The following NDUFA7 variants were observed in gnomAD, a reference collection of about 807,000 sequenced individuals.
NDUFA7 encodes NADH:ubiquinone oxidoreductase subunit A7, also known as NADH dehydrogenase [ubiquinone] 1 alpha subcomplex subunit 7.
In NDUFA7, 18 loss-of-function variants were observed where a neutral mutation model predicts 14.2. That is an observed-to-expected ratio of 1.27 (90% CI 0.88 to 1.88). The LOEUF (loss-of-function observed/expected upper bound fraction) is 1.88, where lower values mean the gene tolerates loss of function less well. Ranked by LOEUF, NDUFA7 falls within the 40% of genes most tolerant of loss-of-function variation. NDUFA7 has a pLI of 0.00. For missense variants in NDUFA7, 172 were observed against 147.3 expected (o/e 1.17, Z -0.87); for synonymous variants, 75 against 62.1 (o/e 1.21, Z -0.98).
chr19:8,320,513 G>A (rs560141773), intron 2 of NDUFA7, among the ~76,000 whole-genome samples: 218 of 152,240 alleles, frequency 1.4e-3, no homozygotes, highest in African/African-American at 5.1e-3. Flanking sequence ...TCAAGTCCCC[G>A]CTGCCACTTT....
At chr19:8,315,668 C>T (rs1208797077) in intron 3 of NDUFA7, among the ~76,000 whole-genome samples, 3 of 152,022 alleles carry the variant, frequency 2.0e-5, no homozygotes, top group African/African-American at 4.8e-5. Flanking sequence ...ACTCAGAGGC[C>T]GGGTGGATCC....
At chr19:8,315,568 T>C (rs977258543) in intron 3 of NDUFA7, among the ~76,000 whole-genome samples, 4 of 152,198 alleles carry the variant, frequency 2.6e-5, no homozygotes, top group Admixed American at 6.5e-5. Context: ...CGTGTTTACC[T>C]GCTGACCTTC....
At position 8,321,343 on chromosome 19, in the gene NDUFA7, G is replaced by C. The variant is rs553849517; in HGVS notation, c.16C>G (p.Arg6Gly). MASATRLIQRLRNWAS... is the reference protein window; with the variant it reads MASATGLIQRLRNWAS... ...CAGTTCCGCAGCCGCTGGATGAGAC[G>C]GGTGGCGGACGCCATCTTCCGTCCG... The change falls in exon 1 of 4, where the codon CGT becomes GGT. Residue 6 changes from arginine (R) to glycine (G), a missense_variant. Arg to Gly is a moderately radical substitution (Grantham distance 125, BLOSUM62 -2). Transcript: ENST00000301457. 1.9e-6 allele frequency: 3 copies of C among 1,578,502 alleles called. No individual in the cohort carries two copies. Among genetic ancestry groups the C allele is most frequent in the African/African-American group, 1.3e-5 (1 of 74,532 alleles).
At chr19:8,312,132 T>A (rs1022078135) in intron 3 of NDUFA7, among the ~76,000 whole-genome samples, 2 of 152,070 alleles carry the variant, frequency 1.3e-5, no homozygotes. Context: ...GCAAAACGCA[T>A]CTCTGGCCCA....
chr19:8,315,404 T>C (rs1351750663), intron 3 of NDUFA7, among the ~76,000 whole-genome samples: 1 of 152,064 alleles, frequency 6.6e-6, no homozygotes, highest in Non-Finnish European at 1.5e-5. Flanking sequence ...GTATATTCCA[T>C]CTACTGAGAT....
chr19:8,319,709 T>G (rs1170220226), intron 2 of NDUFA7: 4 of 152,222 alleles, frequency 2.6e-5, no homozygotes, highest in African/African-American at 4.8e-5. Context: ...GCCTTACCTC[T>G]GCCTACCCTT....
chr19:8,321,009 G>T (rs1350924955), intron 1 of NDUFA7, 103 bp from the exon 2 acceptor site: 7 of 1,324,540 alleles, frequency 5.3e-6, no homozygotes, highest in Non-Finnish European at 7.5e-6. Context: ...CATTTTAAGG[G>T]AAGGCAGGGG....
chr19:8,309,752 C>T (rs1970152689), downstream of NDUFA7, among the ~76,000 whole-genome samples: 1 of 152,150 alleles, frequency 6.6e-6, no homozygotes. Flanking sequence ...TCAGCACCCT[C>T]TTGGTCCACA....
At position 8,316,605 on chromosome 19, in the gene NDUFA7, T is replaced by G. The variant is rs12986323; in HGVS notation, c.142A>C (p.Lys48Gln). The change falls in exon 3 of 4, where the codon AAG (lysine) becomes CAG (glutamine). Residue 48 changes from lysine (K) to glutamine (Q), a missense_variant. Transcript: ENST00000301457. ...PPKLPVGPSH[K>Q]LSNNYYCTRD... is the part of the protein sequence containing the mutation. Reference sequence around the variant, plus strand: ...GTGCAATAGTAATTGTTGGAGAGCTTGTGGCTAGGACCCACAGGGAGCTTG... The same window carrying G: ...GTGCAATAGTAATTGTTGGAGAGCTGGTGGCTAGGACCCACAGGGAGCTTG... 20,838 of 1,614,126 alleles carry G rather than the reference T, an allele frequency of 0.013. 203 individuals are homozygous for G. Among genetic ancestry groups the G allele is most frequent in the South Asian group, 0.02 (1,810 of 91,086 alleles).
chr19:8,312,103 C>T (rs1970185282), intron 3 of NDUFA7, among the ~76,000 whole-genome samples: 1 of 152,188 alleles, frequency 6.6e-6, no homozygotes. Flanking sequence ...GGCTGAGAAT[C>T]CATGCGCAAA....
In NDUFA7 at chr19:8,321,310, C is replaced by G; in HGVS notation, c.49G>C (p.Gly17Arg). The G allele has an allele frequency of 6.4e-7, 1 of 1,573,722 alleles. No individual in the cohort carries two copies. The highest frequency in any genetic ancestry group is 8.6e-7 in the Non-Finnish European group (1 of 1,162,996). ...LIQRLRNWAS[G>R]HDLQGKLQLR... ...GCAGCCCTGTCCGCCCCGCGCACCC[C>G]GGACGCCCAGTTCCGCAGCCGCTGG... The change falls in exon 1 of 4, where the codon GGG becomes CGG. Residue 17 changes from glycine to arginine, a missense_variant and splice_region_variant. By Grantham distance (125) the Gly-to-Arg change is moderately radical. Coordinates refer to ENST00000301457, the MANE Select transcript of NDUFA7 (RefSeq NM_005001.5).
In NDUFA7 at chr19:8,316,636, A is replaced by C; in HGVS notation, c.111T>G (p.Pro37=). 1 of 1,614,032 alleles carries C rather than the reference A, an allele frequency of 6.2e-7. No homozygotes were observed. The highest frequency in any genetic ancestry group is 8.5e-7 in the Non-Finnish European group (1 of 1,179,974). ...TAGGACCCACAGGGAGCTTGGGAGGAGGCTGAGTTCTGAGGGGAAAAAAGA... is the reference window on the plus strand; with the variant it reads ...TAGGACCCACAGGGAGCTTGGGAGGCGGCTGAGTTCTGAGGGGAAAAAAGA... ...RYQEISKRTQ[P]PPKLPVGPSH... Residue 37 remains proline, a synonymous_variant, in exon 3 of 4, where the codon CCT becomes CCG. Transcript: ENST00000301457.
At chr19:8,320,706 G>C in intron 2 of NDUFA7, 151 bp downstream of exon 2, 3 of 954,176 alleles carry the variant, frequency 3.1e-6, no homozygotes, top group South Asian at 1.5e-5. Context: ...AGTTCAGCAA[G>C]GTTAAAGGCA....
rs146194236 is a variant in NDUFA7 at position 8,319,119 on chromosome 19, T to C, written c.101+1738A>G. Among the ~76,000 whole-genome samples the C allele has an allele frequency of 3.2e-4, 39 of 120,254 alleles. No individual in the cohort carries two copies. In the East Asian group the frequency reaches 9.6e-3, roughly 30 times the overall value. The allele number at this position is 120,254 out of a possible 152,430, so 78.9% of individuals were successfully genotyped here. On this transcript the variant is annotated intron_variant, in intron 2 of 3. Coordinates refer to ENST00000301457, the MANE Select transcript of NDUFA7 (RefSeq NM_005001.5). ...AAAGCCAACTAGGGGGGTCGGGGGT[T>C]GGGGGGGAGAGAGCATCAGGAAGAA...
intron 2 of NDUFA7, among the ~76,000 whole-genome samples, chr19:8,317,111 G>C (rs1599631960): frequency 1.3e-5 from 2 of 152,260 alleles, no homozygotes; most frequent in East Asian, 1.9e-4. Flanking sequence ...CATTATTCAA[G>C]AACACCTTAG....
chr19:8,317,020 T>C (rs895193921), intron 2 of NDUFA7, among the ~76,000 whole-genome samples: 3 of 152,134 alleles, frequency 2.0e-5, no homozygotes, highest in African/African-American at 4.8e-5. Context: ...AGTGGCTTTT[T>C]CCCCTAAAGC....
intron 2 of NDUFA7, among the ~76,000 whole-genome samples, chr19:8,319,775 GCCT>G (rs1036796111): frequency 1.3e-5 from 2 of 151,734 alleles, no homozygotes; most frequent in African/African-American, 2.4e-5. Context: ...ATCCATACTG[GCCT>G]CCTTCCACTC....
chr19:8,310,200 T>C (rs1970160613), downstream of NDUFA7, among the ~76,000 whole-genome samples: 3 of 151,392 alleles, frequency 2.0e-5, no homozygotes, highest in Non-Finnish European at 3.0e-5. Flanking sequence ...GAGGCAGAGG[T>C]GGGCGGATCA....
At chr19:8,316,791 C>A (rs1165741595) in intron 2 of NDUFA7, 146 bp from the exon 3 acceptor site, 4 of 909,514 alleles carry the variant, frequency 4.4e-6, no homozygotes, top group East Asian at 2.6e-5. Flanking sequence ...CCTTGGTACA[C>A]TGGCAGGGAC....
Sources: gnomAD v4.1 joint callset for allele counts (sites outside exome capture counted in the v4.1 genomes callset) on GRCh38, gnomAD v4.1.1 for gene constraint, MANE v1.5 for transcripts, NCBI Gene and HGNC (gene_info 2026-07-23, HGNC 2026-07-21) for gene names.